The following GPR149 variants were observed in gnomAD, a reference collection of about 807,000 sequenced individuals.
GPR149 encodes G protein-coupled receptor 149, also known as probable G protein-coupled receptor 149.
In GPR149, 50 loss-of-function variants were observed where a neutral mutation model predicts 50.2. That is an observed-to-expected ratio of 1.00 (90% CI 0.79 to 1.26). The LOEUF is 1.26. GPR149 is among the 50% of genes most tolerant of loss of function. The pLI is 0.00. For missense variants in GPR149, 983 were observed against 895.4 expected, an observed-to-expected ratio of 1.10 and a Z score of -1.25; for synonymous variants, 405 against 358.2, an observed-to-expected ratio of 1.13 and a Z score of -1.48.
At chr3:154,413,402 C>T (rs972760458) in intron 3 of GPR149, among the ~76,000 whole-genome samples, 2 of 151,946 alleles carry the variant, frequency 1.3e-5, no homozygotes, top group Non-Finnish European at 2.9e-5. Context: ...ATAATCTATA[C>T]ATCAGACAAA....
intron 3 of GPR149, chr3:154,352,162 C>T: frequency 1.3e-6 from 1 of 764,808 alleles, no homozygotes; most frequent in Non-Finnish European, 2.0e-6. Flanking sequence ...TTGTGGCCCC[C>T]ACTTCTTGAT....
rs1471652404 is a variant in GPR149, at chr3:154,427,684, C to T, written c.1006G>A (p.Val336Met). Residue 336 changes from valine (V) to methionine (M), a missense_variant, in exon 2 of 4, where the codon GTG becomes ATG. Coordinates refer to ENST00000389740, the MANE Select transcript of GPR149 (RefSeq NM_001038705.3). ...TCCAAGGGAAGGCTCTGAAACCCCA[C>T]GACGTTCTGGACCACCATGTGCATC... The part of the protein sequence containing the change: ...MMMHMVVQNV[V>M]GFQSLPLETF... 6.2e-7 allele frequency: 1 copy of T among 1,613,004 alleles called. No homozygotes were observed. The highest frequency in any genetic ancestry group is 1.3e-5 in the African/African-American group (1 of 74,910).
intron 3 of GPR149, chr3:154,354,570 C>CTT: frequency 2.4e-5 from 4 of 169,780 alleles, no homozygotes; most frequent in Non-Finnish European, 3.8e-5. Context: ...TTTCCTTTTC[C>CTT]TTTTTTTTTT....
At chr3:154,388,507 C>CTA (rs1446923664) in intron 3 of GPR149, among the ~76,000 whole-genome samples, 2 of 152,044 alleles carry the variant, frequency 1.3e-5, no homozygotes, top group East Asian at 3.8e-4. Flanking sequence ...TTCTTAGTTT[C>CTA]TATATACTTG....
chr3:154,351,311 T>TGCAAAAAAAAAAAAAAAA lies in GPR149; in HGVS notation c.1624-13041_1624-13040insTTTTTTTTTTTTTTTTGC, dbSNP rs1341107044. On this transcript the variant is annotated intron_variant, in intron 3 of 3. Coordinates refer to ENST00000389740, the MANE Select transcript of GPR149 (RefSeq NM_001038705.3). ...GTGCTAGGGCAATTAGACATCCACA[T>TGCAAAAAAAAAAAAAAAA]ACAAAAAAAAAAAAAAAAAAAAAAA... is the stretch of plus-strand genomic sequence containing the variant. 1.5e-4 allele frequency among the ~76,000 whole-genome samples: 3 copies of TGCAAAAAAAAAAAAAAAA among 19,680 alleles called. 1 individual carries two copies. Among genetic ancestry groups the TGCAAAAAAAAAAAAAAAA allele is most frequent in the African/African-American group, 4.0e-4 (2 of 5,018 alleles). 12.9% of individuals were successfully genotyped at this position (19,680 alleles called of 152,430 possible).
chr3:154,394,242 G>C (rs994232529), intron 3 of GPR149, among the ~76,000 whole-genome samples: 1 of 151,996 alleles, frequency 6.6e-6, no homozygotes, highest in Non-Finnish European at 1.5e-5. Context: ...ACAGAATAGA[G>C]AGCCTAGAAG....
chr3:154,354,816 C>A, intron 3 of GPR149: 1 of 567,250 alleles, frequency 1.8e-6, no homozygotes, highest in Non-Finnish European at 2.6e-6. Flanking sequence ...CCACCACCTC[C>A]CTCCACGCAC....
At chr3:154,375,621 T>C (rs935659131) in intron 3 of GPR149, among the ~76,000 whole-genome samples, 1 of 152,188 alleles carries the variant, frequency 6.6e-6, no homozygotes, top group Non-Finnish European at 1.5e-5. Context: ...ATGTTGAAAA[T>C]AGACAGATAT....
chr3:154,428,979 T>A lies in GPR149; in HGVS notation c.637A>T (p.Thr213Ser). The A allele has an allele frequency of 6.2e-7, 1 of 1,613,696 alleles. No individual in the cohort carries two copies. The highest frequency in any genetic ancestry group is 8.5e-7 in the Non-Finnish European group (1 of 1,179,910). Reference protein sequence around the residue: ...GLLVGLSVPLTHRLLCSEEPP... With the variant: ...GLLVGLSVPLSHRLLCSEEPP... The stretch of plus-strand genomic sequence containing the variant: ...TCCTCCGAACACAGCAATCGGTGAG[T>A]GAGTGGGACTGAGAGGCCCACGAGG... Residue 213 changes from threonine to serine, a missense_variant, in exon 1 of 4, where the codon ACT becomes TCT. Coordinates refer to ENST00000389740, the MANE Select transcript of GPR149 (RefSeq NM_001038705.3).
chr3:154,343,299 T>C (rs1161332733), intron 3 of GPR149, among the ~76,000 whole-genome samples: 1 of 152,222 alleles, frequency 6.6e-6, no homozygotes, highest in East Asian at 1.9e-4. Context: ...TTTCTTCCTC[T>C]GGGAGTGAAT....
rs1438197010 is a variant in GPR149, at chr3:154,337,305, C to CT, written c.*393dup. Among the ~76,000 whole-genome samples, 1 of 152,140 alleles carries CT rather than the reference C, an allele frequency of 6.6e-6. No individual in the cohort carries two copies. The highest frequency in any genetic ancestry group is 2.4e-5 in the African/African-American group (1 of 41,446). Reference sequence around the variant, plus strand: ...CATTTCTTCCATTCCCAGAATTCCTCTTTTTTCCCCTTTGCAGTAAAGGCC... The same window carrying CT: ...CATTTCTTCCATTCCCAGAATTCCTCTTTTTTTCCCCTTTGCAGTAAAGGCC... On this transcript the variant is annotated 3_prime_UTR_variant, in exon 4 of 4. Transcript: ENST00000389740.
chr3:154,374,193 A>C (rs1576911821), intron 3 of GPR149, among the ~76,000 whole-genome samples: 1 of 80,842 alleles, frequency 1.2e-5, no homozygotes, highest in African/African-American at 4.6e-5. Context: ...TTTGAGACAG[A>C]GTCTCTTTCT....
At chr3:154,359,210 T>TA (rs1336475839) in intron 3 of GPR149, among the ~76,000 whole-genome samples, 1 of 152,204 alleles carries the variant, frequency 6.6e-6, no homozygotes, top group African/African-American at 2.4e-5. Context: ...ATTTATGCCT[T>TA]AAAAACATAA....
intron 3 of GPR149, among the ~76,000 whole-genome samples, chr3:154,391,817 TA>T (rs1298678661): frequency 6.6e-6 from 1 of 151,624 alleles, no homozygotes; most frequent in Non-Finnish European, 1.5e-5. Flanking sequence ...GCCAAAAGTG[TA>T]GGGATGGAAA....
chr3:154,378,266 G>A (rs140999828), intron 3 of GPR149, among the ~76,000 whole-genome samples: 83 of 151,486 alleles, frequency 5.5e-4, no homozygotes, highest in African/African-American at 1.8e-3. Context: ...TTATTATTTC[G>A]CATTTTTAGT....
intron 3 of GPR149, among the ~76,000 whole-genome samples, chr3:154,338,785 TGA>T: frequency 6.6e-6 from 1 of 152,294 alleles, no homozygotes; most frequent in South Asian, 2.1e-4. Context: ...CTGTTAGAGT[TGA>T]GCATACATAA....
intron 3 of GPR149, among the ~76,000 whole-genome samples, chr3:154,388,662 T>C (rs1715100016): frequency 1.3e-5 from 2 of 152,104 alleles, no homozygotes; most frequent in South Asian, 2.1e-4. Flanking sequence ...AGGCAGGCTA[T>C]AATCCATTAC....
chr3:154,382,670 T>C (rs1241663162), intron 3 of GPR149, among the ~76,000 whole-genome samples: 2 of 152,018 alleles, frequency 1.3e-5, no homozygotes, highest in Non-Finnish European at 2.9e-5. Flanking sequence ...AGTTTTCTTA[T>C]GAGTATGAGT....
chr3:154,412,014 T>C (rs1325940048), intron 3 of GPR149, among the ~76,000 whole-genome samples: 1 of 152,034 alleles, frequency 6.6e-6, no homozygotes, highest in Admixed American at 6.6e-5. Flanking sequence ...ATCAAGTGGG[T>C]TTCATACCAG....
Sources: allele counts gnomAD v4.1 joint callset (sites outside exome capture counted in the v4.1 genomes callset), GRCh38; gene constraint gnomAD v4.1.1; transcripts MANE v1.5; gene names NCBI Gene and HGNC (gene_info 2026-07-23, HGNC 2026-07-21).